Variants in NOX4 observed in about 807,000 individuals in gnomAD.
The protein encoded by NOX4 is NADPH oxidase 4, also known as kidney oxidase-1.
NOX4 carries 69 observed loss-of-function variants against 87.6 expected under a neutral mutation model. The observed-to-expected ratio is 0.79, with a 90% CI of 0.65 to 0.96. The LOEUF is 0.96. Among genes scored for constraint, NOX4 ranks in the 40% least tolerant of loss-of-function variants. The pLI, the probability that NOX4 is intolerant of heterozygous loss-of-function variation, is 0.00. For missense variants in NOX4, 680 were observed against 681.5 expected, an observed-to-expected ratio of 1.00 and a Z score of 0.02; for synonymous variants, 275 against 238.2, an observed-to-expected ratio of 1.15 and a Z score of -1.42.
chr11:89,446,321 A>T (rs1161822058), intron 4 of NOX4, among the ~76,000 whole-genome samples: 2 of 152,112 alleles, frequency 1.3e-5, no homozygotes, highest in East Asian at 3.9e-4. Context: ...CTTAAAAACT[A>T]CACATACTCT....
chr11:89,422,117 T>G, intron 7 of NOX4, 135 bp from the exon 8 acceptor site: 1 of 497,030 alleles, frequency 2.0e-6, no homozygotes. Context: ...ATTAATCTAC[T>G]AATACCAAAG....
chr11:89,368,521 G>A (rs890311172), intron 12 of NOX4, among the ~76,000 whole-genome samples: 5 of 152,058 alleles, frequency 3.3e-5, no homozygotes, highest in African/African-American at 9.7e-5. Flanking sequence ...TAACAGAAGA[G>A]CAAAAGAGCA....
At chr11:89,379,462 T>C (rs1940112144) in intron 11 of NOX4, among the ~76,000 whole-genome samples, 1 of 151,950 alleles carries the variant, frequency 6.6e-6, no homozygotes, top group Non-Finnish European at 1.5e-5. Context: ...TAACTACTAC[T>C]CCACAAACCC....
chr11:89,513,645 T>C, the NOX4 span, among the ~76,000 whole-genome samples: 3 of 152,040 alleles, frequency 2.0e-5, no homozygotes, highest in Non-Finnish European at 2.9e-5. Context: ...TAGAGAACCC[T>C]GACTAATACA....
rs1946028287 is a variant in NOX4 at position 89,342,073 on chromosome 11, C to T, written c.1337+1G>A. ...TAACAAAATAGATCAAAATGACATA[C>T]AACAGGGTGTTGAGTATTGATGCAA... On this transcript the variant is annotated splice_donor_variant, in intron 14 of 17. Transcript: ENST00000263317. LOFTEE classifies it high-confidence loss of function. The T allele has an allele frequency of 1.2e-6, 2 of 1,609,276 alleles. No individual in the cohort carries two copies. The highest frequency in any genetic ancestry group is 2.2e-5 in the South Asian group (2 of 90,568).
intron 11 of NOX4, among the ~76,000 whole-genome samples, chr11:89,388,175 T>C (rs1368764213): frequency 2.0e-5 from 3 of 152,290 alleles, no homozygotes; most frequent in East Asian, 1.9e-4. Context: ...AATTATCTCA[T>C]AAACGATCTA....
chr11:89,356,381 T>A (rs317193), intron 12 of NOX4, among the ~76,000 whole-genome samples: 2,442 of 133,198 alleles, frequency 0.018, 61 homozygotes, highest in African/African-American at 0.066. Flanking sequence ...TATGAATTCA[T>A]AATGAAGAAA....
At chr11:89,338,613 C>G (rs1386318499) in intron 15 of NOX4, among the ~76,000 whole-genome samples, 4 of 152,124 alleles carry the variant, frequency 2.6e-5, no homozygotes, top group Admixed American at 1.3e-4. Context: ...TCTCTAATTG[C>G]CTGTCCTACT....
chr11:89,366,052 C>T (rs1000085696), intron 12 of NOX4, among the ~76,000 whole-genome samples: 1 of 152,184 alleles, frequency 6.6e-6, no homozygotes, highest in Admixed American at 6.6e-5. Flanking sequence ...AACCCTTGTC[C>T]TTTTGCTTCC....
chr11:89,402,679 A>G lies in NOX4; in HGVS notation c.630-137T>C, dbSNP rs566552758. 19 of 706,598 alleles carry G rather than the reference A, an allele frequency of 2.7e-5. 1 individual carries two copies. The highest frequency in any genetic ancestry group is 9.5e-5 in the South Asian group (5 of 52,788). 43.8% of individuals were successfully genotyped at this position (706,598 alleles called of 1,614,324 possible). Reference sequence around the variant, plus strand: ...AGCATTTATCCAAAAAGTGTTCCTTATGTATTATGTTTAGGAGAAATTGAA... The same window carrying G: ...AGCATTTATCCAAAAAGTGTTCCTTGTGTATTATGTTTAGGAGAAATTGAA... On this transcript the variant is annotated intron_variant, in intron 8 of 17. Transcript: ENST00000263317.
At chr11:89,566,705 A>T in the NOX4 span, among the ~76,000 whole-genome samples, 7 of 152,142 alleles carry the variant, frequency 4.6e-5, no homozygotes, top group Non-Finnish European at 7.3e-5. Flanking sequence ...AGATCTTTAG[A>T]AGGAAATCAT....
chr11:89,415,383 T>G (rs1942708172), intron 8 of NOX4, among the ~76,000 whole-genome samples: 1 of 152,088 alleles, frequency 6.6e-6, no homozygotes, highest in Admixed American at 6.6e-5. Context: ...CACAATGCAG[T>G]GATTCTAACT....
chr11:89,586,190 G>T, the NOX4 span, among the ~76,000 whole-genome samples: 2 of 149,838 alleles, frequency 1.3e-5, no homozygotes, highest in African/African-American at 2.5e-5. Flanking sequence ...AATTAATTAA[G>T]CTTTCATTCC....
At chr11:89,561,015 T>TATTATATATATATATATATAC in the NOX4 span, among the ~76,000 whole-genome samples, 1 of 80,532 alleles carries the variant, frequency 1.2e-5, no homozygotes, top group African/African-American at 6.0e-5. Context: ...TATATATATA[T>TATTATATATATATATATATAC]ATATACATAC....
chr11:89,531,075 C>G, the NOX4 span, among the ~76,000 whole-genome samples: 1 of 152,168 alleles, frequency 6.6e-6, no homozygotes, highest in East Asian at 1.9e-4. Flanking sequence ...AAGTTAGCTC[C>G]AGCTGGCTTT....
intron 13 of NOX4, among the ~76,000 whole-genome samples, chr11:89,347,650 G>T (rs1056621781): frequency 1.3e-5 from 2 of 152,128 alleles, no homozygotes; most frequent in African/African-American, 2.4e-5. Context: ...AAGGGAAAAA[G>T]CTTGAAGCCA....
chr11:89,535,269 C>T, the NOX4 span, among the ~76,000 whole-genome samples: 133 of 152,256 alleles, frequency 8.7e-4, 1 homozygote, highest in African/African-American at 3.2e-3. Context: ...ACTTAATATT[C>T]TTCTTAAATA....
chr11:89,417,342 C>T (rs533922279), intron 8 of NOX4, among the ~76,000 whole-genome samples: 14 of 152,162 alleles, frequency 9.2e-5, no homozygotes, highest in African/African-American at 2.9e-4. Flanking sequence ...CAGTTCTATA[C>T]ATGTTTGGAA....
intron 7 of NOX4, among the ~76,000 whole-genome samples, chr11:89,428,749 A>C (rs1257303474): frequency 1.3e-5 from 2 of 152,136 alleles, no homozygotes; most frequent in East Asian, 1.9e-4. Flanking sequence ...GACTTAGACA[A>C]CCACACAATA....
Sources: gnomAD v4.1 joint callset for allele counts (sites outside exome capture counted in the v4.1 genomes callset) on GRCh38, gnomAD v4.1.1 for gene constraint, MANE v1.5 for transcripts, NCBI Gene and HGNC (gene_info 2026-07-23, HGNC 2026-07-21) for gene names.